SON: variants seen among roughly 807,000 people sequenced by gnomAD.
SON encodes the protein protein SON.
Under a neutral mutation model 173.3 loss-of-function variants are expected in SON, and 4 were observed. That is an observed-to-expected ratio of 0.02 (90% CI 0.01 to 0.05). SON has a LOEUF of 0.05. SON is among the 10% of genes least tolerant of loss of function. The pLI, the probability that SON is intolerant of heterozygous loss-of-function variation, is 1.00. For missense variants in SON, 2,626 were observed against 3,055.3 expected (o/e 0.86, Z 3.31); for synonymous variants, 1,190 against 1,105.9 (o/e 1.08, Z -1.51).
intron 9 of SON, chr21:33,575,391 C>T (rs191012549): frequency 8.6e-5 from 38 of 440,508 alleles, no homozygotes; most frequent in Non-Finnish European, 1.3e-4. Flanking sequence ...TTTCTCATAC[C>T]AAGATCTATG....
rs2086410549 is a variant in SON, at chr21:33,576,761, A to G, written c.*337A>G. 2 of 405,060 alleles carry G rather than the reference A, an allele frequency of 4.9e-6. No homozygotes were observed. The highest frequency in any genetic ancestry group is 5.5e-5 in the East Asian group (1 of 18,242). The allele number at this position is 405,060 out of a possible 1,614,324, so 25.1% of individuals were successfully genotyped here. A position where few individuals can be genotyped will look rare whatever the true frequency, so the allele number is the denominator to read the frequency against. On this transcript the variant is annotated 3_prime_UTR_variant, in exon 12 of 12. Transcript: ENST00000356577. ...CCATACAGGGTTTTGGTATGTTTAT[A>G]TTGTTTACCTTAGTGATGTATTTGT...
chr21:33,553,803 C>T lies in SON; in HGVS notation c.4572C>T (p.Tyr1524=), dbSNP rs570810134. The change falls in exon 3 of 12, where the codon TAC becomes TAT. Residue 1524 remains tyrosine, a synonymous_variant. Coordinates refer to ENST00000356577, the MANE Select transcript of SON (RefSeq NM_138927.4). ...HAEEHLKGDF[Y]ESEHGINIDL... ...AGGAACACCTGAAAGGTGACTTTTA[C>T]GAAAGTGAACATGGTATAAATATAG... The T allele has an allele frequency of 2.4e-5, 38 of 1,613,918 alleles. No individual in the cohort carries two copies. Among genetic ancestry groups the T allele is most frequent in the Non-Finnish European group, 2.8e-5 (33 of 1,179,922 alleles).
At position 33,555,098 on chromosome 21, in the gene SON, G is replaced by A. The variant is rs1186464714; in HGVS notation, c.5867G>A (p.Arg1956His). 6.6e-6 allele frequency: 10 copies of A among 1,526,146 alleles called. No homozygotes were observed. The highest frequency in any genetic ancestry group is 5.6e-5 in the African/African-American group (4 of 70,834). 94.5% of individuals were successfully genotyped at this position (1,526,146 alleles called of 1,614,324 possible). ...RRSFSISPSR[R>H]SRTPSRRSRT... ...AGCTTTAGCATTTCCCCAAGCCGCC[G>A]CAGCCGCACCCCCAGCCGCCGCAGC... Residue 1956 changes from arginine to histidine, a missense_variant, in exon 3 of 12, where the codon CGC becomes CAC. This residue lies in a region of SON where 138 missense variants were observed against 222.9 expected (regional missense o/e 0.62). Coordinates refer to ENST00000356577, the MANE Select transcript of SON (RefSeq NM_138927.4).
chr21:33,565,547 C>T (rs2086151508), intron 6 of SON, among the ~76,000 whole-genome samples: 1 of 152,000 alleles, frequency 6.6e-6, no homozygotes. Flanking sequence ...CATTAAAGTC[C>T]CAGGAATCAA....
rs773602109 is a variant in SON at position 33,552,568 on chromosome 21, T to A, written c.3337T>A (p.Ser1113Thr). The A allele has an allele frequency of 6.2e-7, 1 of 1,614,116 alleles. No homozygotes were observed. Among genetic ancestry groups the A allele is most frequent in the Non-Finnish European group, 8.5e-7 (1 of 1,180,004 alleles). ...GTCATCGTACTCTGCAGCTGACCGA[T>A]CTATGATGTCATCTTATACTGCTGA... The part of the protein sequence containing the change: ...MMSSYSAADR[S>T]MMSSYTADRS... Residue 1113 changes from serine (S) to threonine (T), a missense_variant, in exon 3 of 12, where the codon TCT becomes ACT. Physicochemically the swap from Ser to Thr is moderately conservative, Grantham distance 58. Around this residue, in one of 13 missense-constraint regions of SON, gnomAD observed 366 missense variants for 448.6 expected, o/e 0.82. Transcript: ENST00000356577. This position sits in a 1 kb window ranked among gnomAD's most constrained non-coding sequence, Gnocchi z 5.6.
rs1341396910 is a variant in SON at position 33,572,695 on chromosome 21, C to CA, written c.6886-610dup. 9.7e-6 allele frequency: 8 copies of CA among 823,238 alleles called. No individual in the cohort carries two copies. In the Admixed American group the frequency reaches 1.7e-4, roughly 17 times the overall value. 51.0% of individuals were successfully genotyped at this position (823,238 alleles called of 1,614,324 possible). A position where few individuals can be genotyped will look rare whatever the true frequency, so the allele number is the denominator to read the frequency against. On this transcript the variant is annotated intron_variant, in intron 8 of 11. Transcript: ENST00000356577. ...CATCAAGCTAGGTTTTAAAAGAATT[C>CA]AAATTCATTTTGGCATACTTACAGG... is the stretch of plus-strand genomic sequence containing the variant.
At position 33,554,466 on chromosome 21, in the gene SON, T is replaced by G. The variant is rs755493782; in HGVS notation, c.5235T>G (p.Leu1745=). The G allele has an allele frequency of 1.9e-6, 3 of 1,614,192 alleles. No individual in the cohort carries two copies. Among genetic ancestry groups the G allele is most frequent in the Admixed American group, 1.7e-5 (1 of 60,036 alleles). Residue 1745 remains leucine, a synonymous_variant, in exon 3 of 12, where the codon CTT becomes CTG. Transcript: ENST00000356577. Reference sequence around the variant, plus strand: ...TACTTCCTAAGGACATGGAACGTCTTACAAGCCTTAGAGCTGGCATTGAAG... The same window carrying G: ...TACTTCCTAAGGACATGGAACGTCTGACAAGCCTTAGAGCTGGCATTGAAG... ...RPLLPKDMER[L]TSLRAGIEGP...
At chr21:33,560,158 C>G (rs774947679) in intron 6 of SON, 5 of 1,598,100 alleles carry the variant, frequency 3.1e-6, no homozygotes, top group Middle Eastern at 1.8e-4. Flanking sequence ...AGGGATTGAT[C>G]GGAGAGGGCA....
Position 33,559,222 on chromosome 21 carries a change from T to C in SON, c.6322-8T>C. Reference sequence around the variant, plus strand: ...AGATTTATCTTTTGTTTGTTTTTACTTTTAAAGAAATGTAAACAGATCGCA... The same window carrying C: ...AGATTTATCTTTTGTTTGTTTTTACCTTTAAAGAAATGTAAACAGATCGCA... On this transcript the variant is annotated splice_region_variant and splice_polypyrimidine_tract_variant and intron_variant, in intron 4 of 11. Coordinates refer to ENST00000356577, the MANE Select transcript of SON (RefSeq NM_138927.4). This position sits in a 1 kb window ranked among gnomAD's most constrained non-coding sequence, Gnocchi z 4.1. The C allele has an allele frequency of 6.5e-7, 1 of 1,531,688 alleles. No individual in the cohort carries two copies. The highest frequency in any genetic ancestry group is 1.2e-5 in the South Asian group (1 of 80,032). 94.9% of individuals were successfully genotyped at this position (1,531,688 alleles called of 1,614,324 possible). A position where few individuals can be genotyped will look rare whatever the true frequency, so the allele number is the denominator to read the frequency against.
chr21:33,549,429 C>A (rs754441787), intron 2 of SON, 47 bp from the exon 3 acceptor site: 1 of 1,450,384 alleles, frequency 6.9e-7, no homozygotes, highest in Non-Finnish European at 9.2e-7. Flanking sequence ...TTTAATCTAA[C>A]TCTACTTTGG....
At chr21:33,564,590 G>C (rs938641902) in intron 6 of SON, among the ~76,000 whole-genome samples, 2 of 152,212 alleles carry the variant, frequency 1.3e-5, no homozygotes, top group African/African-American at 4.8e-5. Flanking sequence ...GCCAGGCACA[G>C]TGGCTCACGC....
intron 9 of SON, 192 bp from the exon 10 acceptor site, chr21:33,575,404 T>A (rs2086377629): frequency 4.3e-6 from 2 of 468,232 alleles, no homozygotes; most frequent in South Asian, 8.2e-5. Flanking sequence ...GATCTATGAA[T>A]ATTAAATATA....
rs1277854205 is a variant in SON at position 33,552,536 on chromosome 21, C to G, written c.3305C>G (p.Ser1102Cys). The G allele has an allele frequency of 1.2e-6, 2 of 1,614,078 alleles. No individual in the cohort carries two copies. The highest frequency in any genetic ancestry group is 3.3e-5 in the Admixed American group (2 of 60,012). The change falls in exon 3 of 12, where the codon TCT becomes TGT. Residue 1102 changes from serine to cysteine, a missense_variant. Transcript: ENST00000356577. This position sits in a 1 kb window ranked among gnomAD's most constrained non-coding sequence, Gnocchi z 5.6. ...TCGTCATACTCTGCTGCTGACCGGTCTATGATGTCATCGTACTCTGCAGCT... is the reference window on the plus strand; with the variant it reads ...TCGTCATACTCTGCTGCTGACCGGTGTATGATGTCATCGTACTCTGCAGCT... ...MMSSYSAADR[S>C]MMSSYSAADR...
Position 33,543,146 on chromosome 21 carries a change from G to A in SON, c.54G>A (p.Arg18=). 1 of 1,614,216 alleles carries A rather than the reference G, an allele frequency of 6.2e-7. No individual in the cohort carries two copies. The highest frequency in any genetic ancestry group is 8.5e-7 in the Non-Finnish European group (1 of 1,180,030). The stretch of plus-strand genomic sequence containing the variant: ...GGTCTTTCGTGGTCAGTAAATTCCG[G>A]GAAATTCAACAGGAGCTTTCCAGGT... ...IFRSFVVSKF[R]EIQQELSSGR... The change falls in exon 1 of 12, where the codon CGG becomes CGA. Residue 18 remains arginine, a synonymous_variant. Coordinates refer to ENST00000356577, the MANE Select transcript of SON (RefSeq NM_138927.4).
intron 2 of SON, among the ~76,000 whole-genome samples, chr21:33,548,698 C>T (rs145092462): frequency 6.6e-6 from 1 of 152,200 alleles, no homozygotes; most frequent in African/African-American, 2.4e-5. Flanking sequence ...ATTGAGGATT[C>T]AAAAGTGGCA....
chr21:33,573,173 A>G (rs1366473855), intron 8 of SON, 135 bp from the exon 9 acceptor site: 6 of 670,566 alleles, frequency 8.9e-6, no homozygotes, highest in Non-Finnish European at 1.5e-5. Context: ...TATAAAGTAT[A>G]GAGGAATTTA....
At chr21:33,546,518 G>A (rs993537836) in intron 2 of SON, 139 bp downstream of exon 2, 14 of 620,592 alleles carry the variant, frequency 2.3e-5, no homozygotes, top group South Asian at 8.7e-5. Context: ...GATGGCTCAC[G>A]CCTGTAATCC....
chr21:33,553,578 G>A lies in SON; in HGVS notation c.4347G>A (p.Glu1449=), dbSNP rs779586945. 6.2e-7 allele frequency: 1 copy of A among 1,614,128 alleles called. No homozygotes were observed. Among genetic ancestry groups the A allele is most frequent in the South Asian group, 1.1e-5 (1 of 91,074 alleles). ...AGGAATCGACTGTGACAGTTTCAGA[G>A]CCTGCTGTCACAGTCTCAGAGCAGA... ...SVQESTVTVS[E]PAVTVSEQTQ... is the part of the protein sequence containing the mutation. The change falls in exon 3 of 12, where the codon GAG becomes GAA. Residue 1449 remains glutamate (E), a synonymous_variant. Transcript: ENST00000356577.
chr21:33,576,930 A>G lies in SON; in HGVS notation c.*506A>G, dbSNP rs1294027321. 2 of 243,980 alleles carry G rather than the reference A, an allele frequency of 8.2e-6. No homozygotes were observed. 15.1% of individuals were successfully genotyped at this position (243,980 alleles called of 1,614,324 possible). ...CTAGGCTACTGTAACACTTGCCTGT[A>G]ATCAGTGAAGGGCTGTGCACCTTGT... On this transcript the variant is annotated 3_prime_UTR_variant, in exon 12 of 12. Transcript: ENST00000356577.
Sources: gnomAD v4.1 joint callset for allele counts (sites outside exome capture counted in the v4.1 genomes callset) on GRCh38, gnomAD v4.1.1 for gene constraint, gnomAD v4.1.1 regional missense constraint, Gnocchi (gnomAD v3.1) non-coding constraint, MANE v1.5 for transcripts, NCBI Gene and HGNC (gene_info 2026-07-23, HGNC 2026-07-21) for gene names.